The following STIM1 variants were observed in gnomAD, a reference collection of about 807,000 sequenced individuals.
STIM1 encodes stromal interaction molecule 1.
Under a neutral mutation model 74.7 loss-of-function variants are expected in STIM1, and 25 were observed. The observed-to-expected ratio is 0.33, with a 90% CI of 0.24 to 0.47. The LOEUF is 0.47. STIM1 is among the 20% of genes least tolerant of loss of function. The pLI, the probability that STIM1 is intolerant of heterozygous loss-of-function variation, is 1.00. For missense variants in STIM1, 728 were observed against 920.8 expected, an observed-to-expected ratio of 0.79 and a Z score of 2.71; for synonymous variants, 328 against 348.8, an observed-to-expected ratio of 0.94 and a Z score of 0.66.
intron 1 of STIM1, among the ~76,000 whole-genome samples, chr11:3,860,383 C>T (rs1447161911): frequency 5.9e-5 from 9 of 152,104 alleles, no homozygotes; most frequent in Non-Finnish European, 7.3e-5. Flanking sequence ...AATAACTTGC[C>T]CATGTTTACA....
intron 1 of STIM1, among the ~76,000 whole-genome samples, chr11:3,920,063 G>GTTTT (rs2092698276): frequency 6.6e-6 from 1 of 151,938 alleles, no homozygotes; most frequent in African/African-American, 2.4e-5. Context: ...GAGTAGCAGA[G>GTTTT]CAAGACCCCT....
At chr11:3,971,784 G>C (rs1452330125) in intron 2 of STIM1, among the ~76,000 whole-genome samples, 2 of 152,168 alleles carry the variant, frequency 1.3e-5, no homozygotes, top group African/African-American at 4.8e-5. Flanking sequence ...AAAGTACTAT[G>C]CCAAACATTT....
rs2092121817 is a variant in STIM1 at position 3,895,743 on chromosome 11, T to TTCCTTC, written c.139+39334_139+39335insTCCTTC. 1.7e-4 allele frequency among the ~76,000 whole-genome samples: 6 copies of TTCCTTC among 34,526 alleles called. No homozygotes were observed. In the South Asian group the frequency reaches 4.7e-3, roughly 27 times the overall value. The allele number at this position is 34,526 out of a possible 152,430, so 22.7% of individuals were successfully genotyped here. A position where few individuals can be genotyped will look rare whatever the true frequency, so the allele number is the denominator to read the frequency against. ...CTTTCTTTCTTTCTTTCTTTTTCTT[T>TTCCTTC]CTTCCTTCCTTCCTTCCTTCCTTCC... is the stretch of plus-strand genomic sequence containing the variant. On this transcript the variant is annotated intron_variant, in intron 1 of 12. Coordinates refer to ENST00000526596, the MANE Select transcript of STIM1 (RefSeq NM_001382567.1).
rs2093987626 is a variant in STIM1 at position 4,025,025 on chromosome 11, T to C, written c.385+1038T>C. On this transcript the variant is annotated intron_variant, in intron 3 of 12. Coordinates refer to ENST00000526596, the MANE Select transcript of STIM1 (RefSeq NM_001382567.1). The stretch of plus-strand genomic sequence containing the variant: ...TAACCATCAGGATCCCTGGTTTTTA[T>C]TTGAGGAACCTTAGGCCTAGATGTA... Among the ~76,000 whole-genome samples the C allele has an allele frequency of 1.3e-5, 2 of 152,138 alleles. 1 individual carries two copies. Among genetic ancestry groups the C allele is most frequent in the South Asian group, 4.1e-4 (2 of 4,824 alleles).
intron 2 of STIM1, among the ~76,000 whole-genome samples, chr11:3,983,176 G>A (rs928530251): frequency 3.3e-5 from 5 of 152,094 alleles, no homozygotes; most frequent in African/African-American, 1.2e-4. Flanking sequence ...TCCAGTAATC[G>A]GCCTGCCTTG....
intron 12 of STIM1, chr11:4,086,956 G>T: frequency 6.9e-7 from 1 of 1,454,100 alleles, no homozygotes; most frequent in Non-Finnish European, 9.1e-7. Context: ...ATCAACTCTG[G>T]GGGTGTGTGC....
At chr11:3,933,046 T>G (rs540976142) in intron 1 of STIM1, among the ~76,000 whole-genome samples, 51 of 152,334 alleles carry the variant, frequency 3.3e-4, no homozygotes, top group Non-Finnish European at 5.4e-4. Flanking sequence ...GTGTCTCATA[T>G]TTATTACAAT....
chr11:4,091,448 G>A lies in STIM1; in HGVS notation c.1801G>A (p.Glu601Lys), dbSNP rs374253450. 1.9e-6 allele frequency: 3 copies of A among 1,614,088 alleles called. No individual in the cohort carries two copies. The highest frequency in any genetic ancestry group is 2.5e-6 in the Non-Finnish European group (3 of 1,180,046). ...GGGGGTCCACCCAGGGTCTCTGGTG[G>A]AGAAACTGCCTGACAGCCCTGCCCT... ...IEGVHPGSLV[E>K]KLPDSPALAK... is the part of the protein sequence containing the mutation. The change falls in exon 13 of 13, where the codon GAG becomes AAG. Residue 601 changes from glutamate to lysine, a missense_variant. Around this residue, in one of 5 missense-constraint regions of STIM1, gnomAD observed 352 missense variants for 370.1 expected, o/e 0.95. Coordinates refer to ENST00000526596, the MANE Select transcript of STIM1 (RefSeq NM_001382567.1).
chr11:3,962,295 A>G lies in STIM1; in HGVS notation c.140-5257A>G, dbSNP rs2093294992. On this transcript the variant is annotated intron_variant, in intron 1 of 12. Coordinates refer to ENST00000526596, the MANE Select transcript of STIM1 (RefSeq NM_001382567.1). Reference sequence around the variant, plus strand: ...CTCCAGGGACTCTCCATGTCCCCCTATACACATTGTTTGGCTTCTACTTGT... The same window carrying G: ...CTCCAGGGACTCTCCATGTCCCCCTGTACACATTGTTTGGCTTCTACTTGT... Among the ~76,000 whole-genome samples, 5 of 152,048 alleles carry G rather than the reference A, an allele frequency of 3.3e-5. No individual in the cohort carries two copies. The South Asian group carries it at 1.0e-3, about 31-fold the overall frequency.
intron 2 of STIM1, among the ~76,000 whole-genome samples, chr11:4,002,918 C>G (rs1015890323): frequency 1.5e-5 from 2 of 137,698 alleles, no homozygotes; most frequent in African/African-American, 5.1e-5. Flanking sequence ...CACCACCTAT[C>G]CCACAGAAAT....
chr11:3,902,923 T>C (rs1185693556), intron 1 of STIM1, among the ~76,000 whole-genome samples: 2 of 152,102 alleles, frequency 1.3e-5, no homozygotes, highest in African/African-American at 2.4e-5. Context: ...GAATGTGAAA[T>C]GGGACAGGGC....
chr11:3,964,697 A>C (rs536098842), intron 1 of STIM1, among the ~76,000 whole-genome samples: 1 of 152,218 alleles, frequency 6.6e-6, no homozygotes, highest in African/African-American at 2.4e-5. Context: ...CAGGCTAATG[A>C]AAAGATTGGA....
intron 1 of STIM1, among the ~76,000 whole-genome samples, chr11:3,928,669 G>C (rs1457293885): frequency 1.3e-5 from 2 of 151,992 alleles, no homozygotes; most frequent in Non-Finnish European, 2.9e-5. Context: ...ATCCCTTCCT[G>C]GTGTCACAAG....
At chr11:4,008,942 A>G (rs2093808419) in intron 2 of STIM1, among the ~76,000 whole-genome samples, 1 of 152,168 alleles carries the variant, frequency 6.6e-6, no homozygotes, top group Non-Finnish European at 1.5e-5. Flanking sequence ...TTTGATATGG[A>G]GAATTGATTT....
At chr11:3,978,148 C>CTT (rs768698563) in intron 2 of STIM1, among the ~76,000 whole-genome samples, 2 of 139,384 alleles carry the variant, frequency 1.4e-5, no homozygotes, top group African/African-American at 2.6e-5. Context: ...TGCCTGTGTA[C>CTT]TTTTTTTTTT....
chr11:4,000,152 G>C (rs1467004367), intron 2 of STIM1, among the ~76,000 whole-genome samples: 1 of 151,026 alleles, frequency 6.6e-6, no homozygotes, highest in Non-Finnish European at 1.5e-5. Context: ...CACCTCTGGG[G>C]GCAGGGCACA....
chr11:3,870,319 C>G (rs2091034347), intron 1 of STIM1, among the ~76,000 whole-genome samples: 1 of 152,182 alleles, frequency 6.6e-6, no homozygotes, highest in South Asian at 2.1e-4. Flanking sequence ...TGGAGACAGA[C>G]AAACCTGACT....
rs369423060 is a variant in STIM1 at position 4,015,272 on chromosome 11, T to C, written c.271-8601T>C. ...GTGACAAAATTTCTCAGCATTTGCT[T>C]GTCTGTAAAGGATTTTATTTCTCCT... On this transcript the variant is annotated intron_variant, in intron 2 of 12. Transcript: ENST00000526596. 1.7e-4 allele frequency among the ~76,000 whole-genome samples: 26 copies of C among 152,358 alleles called. No homozygotes were observed. The South Asian group carries it at 3.7e-3, about 22-fold the overall frequency.
chr11:4,041,501 GA>G (rs1183495745), intron 3 of STIM1, among the ~76,000 whole-genome samples: 2 of 151,726 alleles, frequency 1.3e-5, no homozygotes, highest in Non-Finnish European at 2.9e-5. Flanking sequence ...TTTTGGTGGT[GA>G]AAAAAATGAG....
Sources: gnomAD v4.1 joint callset for allele counts (sites outside exome capture counted in the v4.1 genomes callset) on GRCh38, gnomAD v4.1.1 for gene constraint, gnomAD v4.1.1 regional missense constraint, MANE v1.5 for transcripts, NCBI Gene and HGNC (gene_info 2026-07-23, HGNC 2026-07-21) for gene names.